HTR2C: variants seen among roughly 807,000 people sequenced by gnomAD.
The protein encoded by HTR2C is 5-hydroxytryptamine receptor 2C, also known as 5-hydroxytryptamine (serotonin) receptor 2C, G protein-coupled.
HTR2C carries 5 observed loss-of-function variants against 21.0 expected under a neutral mutation model. The observed-to-expected ratio is 0.24, with a 90% CI of 0.12 to 0.50. The LOEUF (loss-of-function observed/expected upper bound fraction) is 0.50. HTR2C is among the 20% of genes least tolerant of loss of function. The probability of loss-of-function intolerance (pLI) is 0.98; values close to 1 mark genes in which losing one functional copy is unlikely to be tolerated. For synonymous variants in HTR2C, 150 were observed against 145.3 expected, an observed-to-expected ratio of 1.03 and a Z score of -0.23; for missense variants, 271 against 371.2, an observed-to-expected ratio of 0.73 and a Z score of 2.22.
At chrX:114,750,283 A>G (rs1297169017) in intron 4 of HTR2C, among the ~76,000 whole-genome samples, 1 of 112,179 alleles carries the variant, frequency 8.9e-6, no homozygotes, top group Non-Finnish European at 1.9e-5. Context: ...CATTGTTCAA[A>G]TAATTTTTTT....
chrX:114,731,226 A>G, intron 3 of HTR2C, 68 bp from the exon 4 acceptor site: 2 of 743,727 alleles, frequency 2.7e-6, no homozygotes, highest in Non-Finnish European at 2.0e-6. Context: ...GTTGTTTTGC[A>G]TGAGCAACGT....
At chrX:114,640,157 T>A (rs1556406134) in intron 2 of HTR2C, among the ~76,000 whole-genome samples, 1 of 112,005 alleles carries the variant, frequency 8.9e-6, no homozygotes. Context: ...AATCTATTTA[T>A]CTTTAATGAT....
intron 4 of HTR2C, among the ~76,000 whole-genome samples, chrX:114,752,825 A>C (rs2069773842): frequency 9.0e-6 from 1 of 110,549 alleles, no homozygotes; most frequent in Admixed American, 9.7e-5. Context: ...GAACCCAAGA[A>C]ATTGTTTCAA....
At chrX:114,687,289 T>C (rs782187732) in intron 2 of HTR2C, among the ~76,000 whole-genome samples, 1 of 112,454 alleles carries the variant, frequency 8.9e-6, no homozygotes, top group East Asian at 2.8e-4. Flanking sequence ...ATTTGCACTT[T>C]CACAATACAT....
intron 2 of HTR2C, among the ~76,000 whole-genome samples, chrX:114,701,324 A>G (rs781902979): frequency 6.5e-4 from 73 of 111,638 alleles, no homozygotes; most frequent in African/African-American, 2.2e-3. Flanking sequence ...GTAGGGGCAG[A>G]CTGACACCTC....
intron 4 of HTR2C, among the ~76,000 whole-genome samples, chrX:114,777,993 A>G (rs782584552): frequency 1.8e-5 from 2 of 112,377 alleles, no homozygotes; most frequent in African/African-American, 3.2e-5. Flanking sequence ...GTAGAAATGC[A>G]TAATGCCTAT....
At chrX:114,818,541 C>A (rs1904363033) in intron 4 of HTR2C, among the ~76,000 whole-genome samples, 1 of 111,640 alleles carries the variant, frequency 9.0e-6, no homozygotes, top group Non-Finnish European at 1.9e-5. Flanking sequence ...TGCTCTATCC[C>A]TGATCACTTC....
At position 114,793,972 on chromosome X, in the gene HTR2C, CAG is replaced by C. The variant is rs376441598; in HGVS notation, c.350-54017_350-54016del. Among the ~76,000 whole-genome samples, 40 of 108,671 alleles carry C rather than the reference CAG, an allele frequency of 3.7e-4. No individual in the cohort carries two copies. The East Asian group carries it at 8.4e-3, about 23-fold the overall frequency. 94.4% of individuals were successfully genotyped at this position (108,671 alleles called of 115,157 possible). A position where few individuals can be genotyped will look rare whatever the true frequency, so the allele number is the denominator to read the frequency against. Reference sequence around the variant, plus strand: ...ATAAAATGGTGAGAATAGCGAGTATCAGAGAGAGAGAGAGAAGTATGTACAGT... The same window carrying C: ...ATAAAATGGTGAGAATAGCGAGTATCAGAGAGAGAGAGAAGTATGTACAGT... On this transcript the variant is annotated intron_variant, in intron 4 of 5. Transcript: ENST00000276198.
chrX:114,621,321 T>G (rs1929155483), intron 2 of HTR2C, among the ~76,000 whole-genome samples: 2 of 111,961 alleles, frequency 1.8e-5, no homozygotes, highest in Admixed American at 9.5e-5. Context: ...TAGGCTCTGT[T>G]GCAACTACTC....
At chrX:114,678,270 GACACACAC>G (rs200416814) in intron 2 of HTR2C, among the ~76,000 whole-genome samples, 36 of 100,205 alleles carry the variant, frequency 3.6e-4, no homozygotes, top group South Asian at 9.7e-4. Flanking sequence ...CTCTCTGTCT[GACACACAC>G]ACACACACAC....
At chrX:114,682,075 A>G (rs7057166) in intron 2 of HTR2C, among the ~76,000 whole-genome samples, 2 of 111,515 alleles carry the variant, frequency 1.8e-5, no homozygotes, top group African/African-American at 6.5e-5. Context: ...TTTGCCACCT[A>G]TAAAATTCAA....
intron 1 of HTR2C, chrX:114,589,917 C>G (rs782290964): frequency 3.7e-6 from 1 of 273,172 alleles, no homozygotes; most frequent in African/African-American, 2.8e-5. Flanking sequence ...AGAGAAAGGT[C>G]CAAGTGATCC....
At chrX:114,859,368 G>T (rs186167506) in intron 5 of HTR2C, among the ~76,000 whole-genome samples, 1 of 110,699 alleles carries the variant, frequency 9.0e-6, no homozygotes, top group East Asian at 2.8e-4. Flanking sequence ...ATGTGTAAAG[G>T]TTCTTAATTA....
chrX:114,834,190 G>A (rs1369094513), intron 4 of HTR2C, among the ~76,000 whole-genome samples: 3 of 110,353 alleles, frequency 2.7e-5, no homozygotes, highest in East Asian at 2.9e-4. Context: ...GATTTGGGGT[G>A]GAGAGTTCTG....
chrX:114,602,117 G>T (rs1266004576), intron 1 of HTR2C, among the ~76,000 whole-genome samples: 9 of 50,981 alleles, frequency 1.8e-4, no homozygotes, highest in African/African-American at 6.0e-4. Context: ...TGCCAGCAAA[G>T]ATTATTTATT....
intron 5 of HTR2C, among the ~76,000 whole-genome samples, chrX:114,879,489 A>G (rs1424116808): frequency 9.1e-6 from 1 of 109,729 alleles, no homozygotes; most frequent in Non-Finnish European, 1.9e-5. Context: ...TTTTGGAAAC[A>G]GGTGGTATTT....
intron 4 of HTR2C, chrX:114,776,647 G>C: frequency 2.0e-6 from 1 of 504,678 alleles, no homozygotes; most frequent in Admixed American, 2.5e-5. Flanking sequence ...TGTTCATAAA[G>C]GTGACATAGC....
chrX:114,816,468 T>G (rs782354508), intron 4 of HTR2C, among the ~76,000 whole-genome samples: 1 of 110,489 alleles, frequency 9.1e-6, no homozygotes, highest in Non-Finnish European at 1.9e-5. Flanking sequence ...CTCATGCTAG[T>G]TTCATTCATC....
At chrX:114,775,402 G>A (rs1479266420) in intron 4 of HTR2C, 1 of 526,608 alleles carries the variant, frequency 1.9e-6, no homozygotes, top group Non-Finnish European at 3.5e-6. Context: ...AACTTGTCAA[G>A]CAGGTTGTCA....
Sources: allele counts gnomAD v4.1 joint callset (sites outside exome capture counted in the v4.1 genomes callset), GRCh38; gene constraint gnomAD v4.1.1; transcripts MANE v1.5; gene names NCBI Gene and HGNC (gene_info 2026-07-23, HGNC 2026-07-21).